The following PKIA variants were observed in gnomAD, a reference collection of about 807,000 sequenced individuals.
The protein encoded by PKIA is cAMP-dependent protein kinase inhibitor alpha, also known as PKI-alpha.
PKIA carries 4 observed loss-of-function variants against 7.6 expected under a neutral mutation model. The ratio of observed to expected loss-of-function variants is 0.52; its 90% CI spans 0.26 to 1.20. PKIA has a LOEUF of 1.20. Ranked by LOEUF, PKIA falls within the 50% of genes most tolerant of loss-of-function variation. PKIA has a pLI of 0.13. For synonymous variants in PKIA, 21 were observed against 30.7 expected, an observed-to-expected ratio of 0.68 and a Z score of 1.04; for missense variants, 73 against 86.2, an observed-to-expected ratio of 0.85 and a Z score of 0.61.
intron 1 of PKIA, among the ~76,000 whole-genome samples, chr8:78,567,051 TA>T: frequency 6.6e-6 from 1 of 152,254 alleles, no homozygotes; most frequent in East Asian, 1.9e-4. Context: ...AACACAACCA[TA>T]AAACAAGAAA....
chr8:78,522,859 T>A (rs1157351699), intron 1 of PKIA, among the ~76,000 whole-genome samples: 1 of 151,996 alleles, frequency 6.6e-6, no homozygotes, highest in Non-Finnish European at 1.5e-5. Flanking sequence ...ATGGTAAATC[T>A]TTTATTTTTT....
rs895114062 is a variant in PKIA, at chr8:78,516,365, T to C, written c.-260T>C. ...GGGAGCGGAGGCTGCTGCTGGCAGG[T>C]GGGGCGCGGGCCGGCGCGAGCTGAC... On this transcript the variant is annotated 5_prime_UTR_variant, in exon 1 of 4. Coordinates refer to ENST00000396418, the MANE Select transcript of PKIA (RefSeq NM_006823.4). The C allele has an allele frequency of 1.3e-5, 2 of 152,128 alleles. No individual in the cohort carries two copies. Among genetic ancestry groups the C allele is most frequent in the Admixed American group, 1.3e-4 (2 of 15,260 alleles). 9.4% of individuals were successfully genotyped at this position (152,128 alleles called of 1,614,324 possible).
intron 1 of PKIA, among the ~76,000 whole-genome samples, chr8:78,569,087 C>T (rs1225379735): frequency 1.3e-5 from 2 of 152,062 alleles, no homozygotes; most frequent in African/African-American, 2.4e-5. Context: ...GAGCTAAGCC[C>T]CCGCCTCTAC....
At chr8:78,572,568 C>G (rs1043144452) in intron 1 of PKIA, among the ~76,000 whole-genome samples, 2 of 151,802 alleles carry the variant, frequency 1.3e-5, no homozygotes, top group Non-Finnish European at 2.9e-5. Context: ...CACACACACA[C>G]ACACAATTAA....
At position 78,603,262 on chromosome 8, in the gene PKIA, T is replaced by C. The variant is rs987713997; in HGVS notation, c.*1441T>C. 3 of 152,174 alleles carry C rather than the reference T, an allele frequency of 2.0e-5. No individual in the cohort carries two copies. The highest frequency in any genetic ancestry group is 7.3e-5 in the African/African-American group (3 of 41,324). The allele number at this position is 152,174 out of a possible 1,614,324, so 9.4% of individuals were successfully genotyped here. On this transcript the variant is annotated 3_prime_UTR_variant, in exon 4 of 4. Coordinates refer to ENST00000396418, the MANE Select transcript of PKIA (RefSeq NM_006823.4). ...CTGGACAAATAGCAGACAATGGGAG[T>C]CCCTTTACAATAACGAGCCCACTTA...
chr8:78,571,572 G>T (rs1186929280), intron 1 of PKIA, among the ~76,000 whole-genome samples: 1 of 152,114 alleles, frequency 6.6e-6, no homozygotes, highest in African/African-American at 2.4e-5. Context: ...CCTGAGGAAT[G>T]TTCTTCAGGG....
intron 2 of PKIA, among the ~76,000 whole-genome samples, chr8:78,580,051 C>A (rs182269774): frequency 2.0e-5 from 3 of 152,156 alleles, no homozygotes; most frequent in Non-Finnish European, 2.9e-5. Context: ...ACTACAGATA[C>A]TATCCCAAGC....
intron 1 of PKIA, among the ~76,000 whole-genome samples, chr8:78,562,163 T>C (rs1481420782): frequency 1.3e-5 from 2 of 152,182 alleles, no homozygotes; most frequent in African/African-American, 4.8e-5. Flanking sequence ...ATCATGCTAG[T>C]TTGAAAATAG....
chr8:78,547,733 T>C (rs137930961), intron 1 of PKIA, among the ~76,000 whole-genome samples: 13 of 152,290 alleles, frequency 8.5e-5, no homozygotes, highest in Non-Finnish European at 1.5e-4. Context: ...TATAACCCTT[T>C]TCTAGTCAAC....
At chr8:78,579,819 T>A (rs1807765273) in intron 2 of PKIA, among the ~76,000 whole-genome samples, 1 of 152,046 alleles carries the variant, frequency 6.6e-6, no homozygotes, top group South Asian at 2.1e-4. Flanking sequence ...CCCATAAAGA[T>A]TCTGAACAGG....
Position 78,527,743 on chromosome 8 carries a change from C to T in PKIA, c.-157+11275C>T, listed in dbSNP as rs550912004. Among the ~76,000 whole-genome samples, 8 of 152,080 alleles carry T rather than the reference C, an allele frequency of 5.3e-5. No homozygotes were observed. The South Asian group carries it at 1.7e-3, about 32-fold the overall frequency. ...TAACTACTGTCCAATTATATAAGAACAACAATATAGTTGCCTTTCAGCTTG... is the reference window on the plus strand; with the variant it reads ...TAACTACTGTCCAATTATATAAGAATAACAATATAGTTGCCTTTCAGCTTG... On this transcript the variant is annotated intron_variant, in intron 1 of 3. Transcript: ENST00000396418.
intron 2 of PKIA, among the ~76,000 whole-genome samples, chr8:78,585,751 T>G (rs1357698546): frequency 6.6e-6 from 1 of 152,162 alleles, no homozygotes; most frequent in Non-Finnish European, 1.5e-5. Context: ...ATTTAGACAC[T>G]GTACAGAAAA....
intron 1 of PKIA, among the ~76,000 whole-genome samples, chr8:78,567,548 G>A (rs1203538680): frequency 6.6e-6 from 1 of 151,782 alleles, no homozygotes; most frequent in East Asian, 1.9e-4. Flanking sequence ...ACTTATCACT[G>A]CTGATGTCAA....
intron 1 of PKIA, chr8:78,535,109 T>C (rs1478990819): frequency 6.6e-6 from 1 of 152,072 alleles, no homozygotes; most frequent in Admixed American, 6.6e-5. Flanking sequence ...ACTGTTTAAA[T>C]GTAAAGAGCA....
intron 1 of PKIA, among the ~76,000 whole-genome samples, chr8:78,543,356 T>C (rs1017600966): frequency 6.6e-6 from 1 of 152,150 alleles, no homozygotes; most frequent in Non-Finnish European, 1.5e-5. Context: ...TCGTATGTGG[T>C]CTGTATAAAT....
intron 1 of PKIA, among the ~76,000 whole-genome samples, chr8:78,557,569 G>A (rs1366478645): frequency 6.6e-6 from 1 of 152,214 alleles, no homozygotes; most frequent in East Asian, 1.9e-4. Context: ...AGGAAAAAGA[G>A]AAAGGAAATG....
intron 1 of PKIA, among the ~76,000 whole-genome samples, chr8:78,551,993 A>C (rs937540110): frequency 6.6e-6 from 1 of 151,964 alleles, no homozygotes; most frequent in African/African-American, 2.4e-5. Context: ...TCAGGACAAG[A>C]AATATTAAAG....
intron 1 of PKIA, among the ~76,000 whole-genome samples, chr8:78,564,866 C>T (rs545684326): frequency 6.6e-6 from 1 of 151,926 alleles, no homozygotes; most frequent in South Asian, 2.1e-4. Context: ...TCAAATTTGT[C>T]AGCCTTGTGA....
chr8:78,595,582 C>T (rs1808210222), intron 2 of PKIA, among the ~76,000 whole-genome samples: 2 of 152,184 alleles, frequency 1.3e-5, no homozygotes, highest in African/African-American at 4.8e-5. Flanking sequence ...TCACCCTCCT[C>T]CCACCTTCCA....
Sources: gnomAD v4.1 joint callset for allele counts (sites outside exome capture counted in the v4.1 genomes callset) on GRCh38, gnomAD v4.1.1 for gene constraint, MANE v1.5 for transcripts, NCBI Gene and HGNC (gene_info 2026-07-23, HGNC 2026-07-21) for gene names.